The following PRIM2 variants were observed in gnomAD, a reference collection of about 807,000 sequenced individuals.
PRIM2 encodes DNA primase subunit 2.
A neutral mutation model predicts 67.3 loss-of-function variants in PRIM2; 39 were observed. That is an observed-to-expected ratio of 0.58 (90% CI 0.45 to 0.76). The LOEUF (loss-of-function observed/expected upper bound fraction) is 0.76, where lower values mean the gene tolerates loss of function less well. Among genes scored for constraint, PRIM2 ranks in the 30% least tolerant of loss-of-function variants. PRIM2 has a pLI of 0.00. For synonymous variants in PRIM2, 143 were observed against 198.7 expected (o/e 0.72, Z 2.36); for missense variants, 398 against 598.7 (o/e 0.66, Z 3.50).
the PRIM2 span, among the ~76,000 whole-genome samples, chr6:57,232,547 A>G: frequency 6.6e-6 from 1 of 151,912 alleles, no homozygotes; most frequent in African/African-American, 2.4e-5. Context: ...AGACTCTGTC[A>G]AAAAAAATAA....
chr6:57,598,333 A>G (rs1776405031), intron 10 of PRIM2, among the ~76,000 whole-genome samples: 1 of 152,172 alleles, frequency 6.6e-6, no homozygotes, highest in African/African-American at 2.4e-5. Flanking sequence ...TTTTTGACTA[A>G]ATCAGTCATT....
chr6:57,355,892 T>C (rs1769015641), intron 5 of PRIM2, among the ~76,000 whole-genome samples: 1 of 152,180 alleles, frequency 6.6e-6, no homozygotes, highest in African/African-American at 2.4e-5. Flanking sequence ...TCTGCCTGCC[T>C]CGGCCTCCCA....
At chr6:57,418,383 GTTTTTTTTTTTTTTTTTTTTTTT>G (rs34491627) in intron 7 of PRIM2, among the ~76,000 whole-genome samples, 1 of 47,228 alleles carries the variant, frequency 2.1e-5, no homozygotes, top group African/African-American at 6.5e-5. Flanking sequence ...TATGTGTGTG[GTTTTTTTTTTTTTTTTTTTTTTT>G]TTTTTTTTTT....
intron 10 of PRIM2, among the ~76,000 whole-genome samples, chr6:57,565,322 CA>C (rs1172480538): frequency 6.7e-6 from 1 of 148,532 alleles, no homozygotes; most frequent in Non-Finnish European, 1.5e-5. Flanking sequence ...AAGCAAGTTT[CA>C]GACTAAGTCA....
chr6:57,289,383 A>ACTT, the PRIM2 span, among the ~76,000 whole-genome samples: 2 of 152,358 alleles, frequency 1.3e-5, no homozygotes, highest in African/African-American at 4.8e-5. Context: ...AACATTCTTC[A>ACTT]GGATATCATG....
At chr6:57,636,539 T>A (rs1268515756) in intron 13 of PRIM2, among the ~76,000 whole-genome samples, 4 of 152,052 alleles carry the variant, frequency 2.6e-5, no homozygotes, top group Non-Finnish European at 4.4e-5. Flanking sequence ...GAAAATAGAA[T>A]TCTATAAAAA....
intron 7 of PRIM2, among the ~76,000 whole-genome samples, chr6:57,384,558 T>C (rs1013369836): frequency 3.9e-5 from 6 of 152,180 alleles, no homozygotes; most frequent in African/African-American, 9.7e-5. Context: ...TTAACCCATA[T>C]CACATGTCTA....
At chr6:57,385,336 A>C (rs558115924) in intron 7 of PRIM2, among the ~76,000 whole-genome samples, 1 of 152,314 alleles carries the variant, frequency 6.6e-6, no homozygotes, top group African/African-American at 2.4e-5. Context: ...ACTTTTTAAA[A>C]AATTAATACT....
At chr6:57,582,893 C>T (rs1477471191) in intron 10 of PRIM2, among the ~76,000 whole-genome samples, 68 of 147,632 alleles carry the variant, frequency 4.6e-4, no homozygotes, top group African/African-American at 1.7e-3. Context: ...CCCATTAACT[C>T]GTCATTTAGC....
intron 10 of PRIM2, among the ~76,000 whole-genome samples, chr6:57,557,582 A>G (rs1278151971): frequency 6.6e-6 from 1 of 151,996 alleles, no homozygotes; most frequent in Non-Finnish European, 1.5e-5. Context: ...ACTCATGAGC[A>G]TAGAGAAGGG....
At chr6:57,268,598 A>G in the PRIM2 span, among the ~76,000 whole-genome samples, 2 of 151,996 alleles carry the variant, frequency 1.3e-5, no homozygotes, top group Non-Finnish European at 2.9e-5. Context: ...GTATATATAT[A>G]TGGCAATTTC....
chr6:57,336,206 A>G (rs1381055375), intron 5 of PRIM2, among the ~76,000 whole-genome samples: 2 of 152,200 alleles, frequency 1.3e-5, no homozygotes, highest in African/African-American at 2.4e-5. Flanking sequence ...ATATGGGACT[A>G]TGTGAAAAGA....
At chr6:57,445,248 C>A (rs973705010) in intron 7 of PRIM2, among the ~76,000 whole-genome samples, 5 of 152,110 alleles carry the variant, frequency 3.3e-5, no homozygotes, top group African/African-American at 1.2e-4. Flanking sequence ...TAGGGTATCT[C>A]TTCATTTTCA....
the PRIM2 span, among the ~76,000 whole-genome samples, chr6:57,292,008 A>C: frequency 2.6e-5 from 4 of 152,120 alleles, no homozygotes; most frequent in Admixed American, 6.6e-5. Context: ...GCAATAGGCA[A>C]GAGAAAGAAA....
At position 57,320,446 on chromosome 6, in the gene PRIM2, CT is replaced by C. The variant is rs200539668; in HGVS notation, c.155-3del. The stretch of plus-strand genomic sequence containing the variant: ...ATTATCTTGCATTTATACCTTTTTT[CT>C]TTTTTTTAGTGTTAAAATCAGTTGA... On this transcript the variant is annotated splice_polypyrimidine_tract_variant and intron_variant, in intron 2 of 13. Coordinates refer to ENST00000615550, the MANE Select transcript of PRIM2 (RefSeq NM_000947.5). The C allele has an allele frequency of 5.5e-5, 85 of 1,539,784 alleles. No individual in the cohort carries two copies. Among genetic ancestry groups the C allele is most frequent in the Middle Eastern group, 1.7e-4 (1 of 5,764 alleles).
At chr6:57,433,475 T>C (rs1447296700) in intron 7 of PRIM2, among the ~76,000 whole-genome samples, 1 of 151,462 alleles carries the variant, frequency 6.6e-6, no homozygotes, top group Non-Finnish European at 1.5e-5. Flanking sequence ...TAGAACACTT[T>C]TAAAAAAATC....
chr6:57,423,708 A>G (rs900145893), intron 7 of PRIM2, among the ~76,000 whole-genome samples: 1 of 152,208 alleles, frequency 6.6e-6, no homozygotes, highest in Non-Finnish European at 1.5e-5. Flanking sequence ...GGGAAGCTTC[A>G]TGTTGCCTTA....
chr6:57,541,222 A>C (rs1378677435), intron 10 of PRIM2, among the ~76,000 whole-genome samples: 61 of 152,318 alleles, frequency 4.0e-4, no homozygotes, highest in African/African-American at 1.4e-3. Flanking sequence ...GTAGTACAGT[A>C]CTGTAAATGT....
At chr6:57,243,154 A>G in the PRIM2 span, among the ~76,000 whole-genome samples, 3 of 152,244 alleles carry the variant, frequency 2.0e-5, no homozygotes, top group African/African-American at 7.2e-5. Context: ...AGCCTCTTAG[A>G]ATGCAAATGG....
Sources: allele counts gnomAD v4.1 joint callset (sites outside exome capture counted in the v4.1 genomes callset), GRCh38; gene constraint gnomAD v4.1.1; transcripts MANE v1.5; gene names NCBI Gene and HGNC (gene_info 2026-07-23, HGNC 2026-07-21).